KHDRBS2: variants seen among roughly 807,000 people sequenced by gnomAD.
KHDRBS2 encodes the protein KH RNA binding domain containing, signal transduction associated 2, also known as KH domain-containing, RNA-binding, signal transduction-associated protein 2.
In KHDRBS2, 26 loss-of-function variants were observed where a neutral mutation model predicts 44.3. The observed-to-expected ratio is 0.59, with a 90% CI of 0.43 to 0.81. The LOEUF (loss-of-function observed/expected upper bound fraction) is 0.81. KHDRBS2 is among the 40% of genes least tolerant of loss of function. The probability of loss-of-function intolerance (pLI) is 0.00; values close to 1 mark genes in which losing one functional copy is unlikely to be tolerated. For missense variants in KHDRBS2, 476 were observed against 433.1 expected, an observed-to-expected ratio of 1.10 and a Z score of -0.88; for synonymous variants, 194 against 151.1, an observed-to-expected ratio of 1.28 and a Z score of -2.08.
At chr6:61,780,123 C>T (rs1426636371) in intron 6 of KHDRBS2, among the ~76,000 whole-genome samples, 1 of 152,154 alleles carries the variant, frequency 6.6e-6, no homozygotes, top group East Asian at 1.9e-4. Context: ...GAATAGTGGT[C>T]TGAATAATTA....
chr6:61,804,044 C>T (rs531425846), intron 6 of KHDRBS2, among the ~76,000 whole-genome samples: 1 of 152,056 alleles, frequency 6.6e-6, no homozygotes, highest in Non-Finnish European at 1.5e-5. Context: ...CCAATAGCCC[C>T]CCAAAGTCAT....
rs578241852 is a variant in KHDRBS2 at position 62,005,446 on chromosome 6, C to T, written c.337-27234G>A. On this transcript the variant is annotated intron_variant, in intron 3 of 8. Coordinates refer to ENST00000281156, the MANE Select transcript of KHDRBS2 (RefSeq NM_152688.4). ...AATAAAATCAAATTATTTAAATATG[C>T]TTTAATAATAGAAAAGATTAGATAT... 5.8e-4 allele frequency among the ~76,000 whole-genome samples: 88 copies of T among 151,700 alleles called. 1 individual carries two copies. The highest frequency in any genetic ancestry group is 2.0e-3 in the African/African-American group (81 of 41,412).
chr6:61,837,290 A>C (rs532814365), intron 6 of KHDRBS2, among the ~76,000 whole-genome samples: 1 of 152,166 alleles, frequency 6.6e-6, no homozygotes, highest in East Asian at 1.9e-4. Flanking sequence ...GTAGCTACTG[A>C]AATAATCCTG....
At chr6:61,654,725 A>C in the KHDRBS2 span, among the ~76,000 whole-genome samples, 2 of 151,290 alleles carry the variant, frequency 1.3e-5, no homozygotes, top group Non-Finnish European at 2.9e-5. Context: ...AGCAAGTCGT[A>C]ACTAACCCTA....
At chr6:62,096,981 T>G (rs1800748434) in intron 2 of KHDRBS2, among the ~76,000 whole-genome samples, 1 of 151,988 alleles carries the variant, frequency 6.6e-6, no homozygotes, top group African/African-American at 2.4e-5. Flanking sequence ...CTTTAATTTC[T>G]TCATTTACCT....
chr6:62,234,319 T>A (rs1833363822), intron 1 of KHDRBS2, among the ~76,000 whole-genome samples: 1 of 152,100 alleles, frequency 6.6e-6, no homozygotes, highest in Non-Finnish European at 1.5e-5. Context: ...GCAATATAGG[T>A]TTATTACTAA....
At chr6:61,829,578 A>C in intron 6 of KHDRBS2, among the ~76,000 whole-genome samples, 1 of 152,202 alleles carries the variant, frequency 6.6e-6, no homozygotes, top group African/African-American at 2.4e-5. Flanking sequence ...GTAAAAGATA[A>C]TACAGTAAAC....
Position 62,140,862 on chromosome 6 carries a change from G to T in KHDRBS2, c.219+36323C>A, listed in dbSNP as rs576243694. 1.4e-4 allele frequency among the ~76,000 whole-genome samples: 21 copies of T among 152,284 alleles called. No individual in the cohort carries two copies. The East Asian group carries it at 2.5e-3, about 18-fold the overall frequency. On this transcript the variant is annotated intron_variant, in intron 2 of 8. Transcript: ENST00000281156. ...AGGAAATATAAGCTTTCAAAAAGGA[G>T]AATGAGTCTAATTGTGTGCAATGCA...
rs567044690 is a variant in KHDRBS2 at position 62,115,575 on chromosome 6, T to C, written c.219+61610A>G. ...AATATAACAATGGCAAAGTAAATCA[T>C]AGGGGGAAATATCTGTTTATGTATG... On this transcript the variant is annotated intron_variant, in intron 2 of 8. Transcript: ENST00000281156. Among the ~76,000 whole-genome samples the C allele has an allele frequency of 8.6e-4, 131 of 152,258 alleles. 7 individuals are homozygous for C. The highest frequency in any genetic ancestry group is 1.9e-4 in the East Asian group (1 of 5,186).
chr6:61,558,322 G>A, the KHDRBS2 span, among the ~76,000 whole-genome samples: 24 of 152,188 alleles, frequency 1.6e-4, no homozygotes, highest in African/African-American at 5.3e-4. Flanking sequence ...AACACTTTGG[G>A]AAGCTGAGGT....
At chr6:62,028,186 T>G (rs374053914) in intron 3 of KHDRBS2, among the ~76,000 whole-genome samples, 1 of 152,118 alleles carries the variant, frequency 6.6e-6, no homozygotes, top group African/African-American at 2.4e-5. Context: ...TCCACACATC[T>G]GCAGTCAGAA....
chr6:62,192,370 C>T (rs1018675077), intron 1 of KHDRBS2, among the ~76,000 whole-genome samples: 3 of 151,988 alleles, frequency 2.0e-5, no homozygotes, highest in Non-Finnish European at 4.4e-5. Flanking sequence ...AATTTACTAT[C>T]TTAATGAAAA....
chr6:61,780,108 C>A (rs1782705455), intron 6 of KHDRBS2, among the ~76,000 whole-genome samples: 1 of 152,170 alleles, frequency 6.6e-6, no homozygotes, highest in Admixed American at 6.5e-5. Context: ...TAACCAATAA[C>A]TTAAGAATAG....
chr6:61,901,265 A>C lies in KHDRBS2; in HGVS notation c.590T>G (p.Ile197Arg), dbSNP rs377470580. 1 of 1,613,778 alleles carries C rather than the reference A, an allele frequency of 6.2e-7. No homozygotes were observed. The highest frequency in any genetic ancestry group is 1.3e-5 in the African/African-American group (1 of 75,022). Residue 197 changes from isoleucine (I) to arginine (R), a missense_variant, in exon 5 of 9, where the codon ATA becomes AGA. By Grantham distance (97) the Ile-to-Arg change is moderately conservative (BLOSUM62 -3). Coordinates refer to ENST00000281156, the MANE Select transcript of KHDRBS2 (RefSeq NM_152688.4). Reference protein sequence around the residue: ...GRGIRGRGIRIAPTAPSRGRG... With the variant: ...GRGIRGRGIRRAPTAPSRGRG... Reference sequence around the variant, plus strand: ...GTACCTTGAAGGAGCTGTGGGAGCTATTCTGATCCCTCTGCCTCTAATACC... The same window carrying C: ...GTACCTTGAAGGAGCTGTGGGAGCTCTTCTGATCCCTCTGCCTCTAATACC...
chr6:62,200,286 G>T (rs1006671585), intron 1 of KHDRBS2, among the ~76,000 whole-genome samples: 2 of 152,144 alleles, frequency 1.3e-5, no homozygotes, highest in Admixed American at 6.6e-5. Context: ...ACTACCATCA[G>T]AGTGAACAGG....
chr6:62,084,194 GA>G (rs938420976), intron 2 of KHDRBS2, among the ~76,000 whole-genome samples: 94 of 152,256 alleles, frequency 6.2e-4, no homozygotes, highest in African/African-American at 2.2e-3. Context: ...TGGACTGAAG[GA>G]GGGGGGATGA....
chr6:62,181,793 T>C (rs1822367149), intron 1 of KHDRBS2, among the ~76,000 whole-genome samples: 1 of 151,994 alleles, frequency 6.6e-6, no homozygotes, highest in Non-Finnish European at 1.5e-5. Flanking sequence ...CCCTCATGAA[T>C]GAGATTCATG....
At chr6:62,167,126 G>A (rs545178463) in intron 2 of KHDRBS2, among the ~76,000 whole-genome samples, 1 of 151,998 alleles carries the variant, frequency 6.6e-6, no homozygotes, top group Non-Finnish European at 1.5e-5. Context: ...CCCAAATAAG[G>A]TAGAAAATAT....
intron 6 of KHDRBS2, among the ~76,000 whole-genome samples, chr6:61,864,068 G>A (rs1797426656): frequency 6.6e-6 from 1 of 151,996 alleles, no homozygotes; most frequent in Admixed American, 6.6e-5. Flanking sequence ...TTTGATCTTT[G>A]TTGATTTAAA....
Sources: gnomAD v4.1 joint callset for allele counts (sites outside exome capture counted in the v4.1 genomes callset) on GRCh38, gnomAD v4.1.1 for gene constraint, MANE v1.5 for transcripts, NCBI Gene and HGNC (gene_info 2026-07-23, HGNC 2026-07-21) for gene names.